Variants in EAF2 observed in about 807,000 individuals in gnomAD.
The protein encoded by EAF2 is ELL-associated factor 2.
EAF2 carries 29 observed loss-of-function variants against 29.4 expected under a neutral mutation model. The observed-to-expected ratio is 0.99, with a 90% CI of 0.73 to 1.35. EAF2 has a LOEUF of 1.35. EAF2 is among the 40% of genes most tolerant of loss of function. The pLI, the probability that EAF2 is intolerant of heterozygous loss-of-function variation, is 0.00. For missense variants in EAF2, 292 were observed against 312.0 expected, an observed-to-expected ratio of 0.94 and a Z score of 0.48; for synonymous variants, 103 against 102.5, an observed-to-expected ratio of 1.00 and a Z score of -0.03.
chr3:121,837,146 GAA>G (rs1248584670), intron 1 of EAF2, among the ~76,000 whole-genome samples: 1 of 152,172 alleles, frequency 6.6e-6, no homozygotes, highest in African/African-American at 2.4e-5. Flanking sequence ...AGAACTATTA[GAA>G]AAGTTTTCAG....
Position 121,868,396 on chromosome 3 carries a change from C to G in EAF2, c.485-4141C>G, listed in dbSNP as rs777181543. On this transcript the variant is annotated intron_variant, in intron 4 of 5. Transcript: ENST00000273668. ...GGCAGATCACTTGAGGTCAGGAGTT[C>G]GTGACCAGCCTGGCCAACGTGGTGA... Among the ~76,000 whole-genome samples, 10 of 152,140 alleles carry G rather than the reference C, an allele frequency of 6.6e-5. 2 individuals carry two copies. In the South Asian group the frequency reaches 1.7e-3, roughly 25 times the overall value.
At chr3:121,844,640 G>T in intron 2 of EAF2, 93 bp downstream of exon 2, 2 of 831,316 alleles carry the variant, frequency 2.4e-6, no homozygotes, top group Non-Finnish European at 1.8e-6. Context: ...AGTGATAATT[G>T]GTTAAAGTAA....
At chr3:121,854,348 A>C (rs1708683313) in intron 2 of EAF2, among the ~76,000 whole-genome samples, 1 of 151,748 alleles carries the variant, frequency 6.6e-6, no homozygotes, top group African/African-American at 2.4e-5. Flanking sequence ...GGAATAGAAA[A>C]TATGATTCAA....
In EAF2 at chr3:121,857,014, T is replaced by G; in HGVS notation, c.342T>G (p.Val114=). 1 of 1,609,458 alleles carries G rather than the reference T, an allele frequency of 6.2e-7. No individual in the cohort carries two copies. The change falls in exon 4 of 6, where the codon GTT becomes GTG. Residue 114 remains valine, a synonymous_variant. Coordinates refer to ENST00000273668, the MANE Select transcript of EAF2 (RefSeq NM_018456.6). The part of the protein sequence containing the change: ...SSNITVKKTR[V]EGSSKIQYRK... ...TATTTGATATTCTTAATTGCAGAGT[T>G]GAAGGAAGCAGTAAAATTCAGTATC...
intron 2 of EAF2, among the ~76,000 whole-genome samples, chr3:121,845,331 G>C (rs1257614912): frequency 6.6e-6 from 1 of 151,296 alleles, no homozygotes; most frequent in Non-Finnish European, 1.5e-5. Flanking sequence ...CCAGCTATTT[G>C]GGAGGTTCAG....
chr3:121,860,357 G>A (rs953833279), intron 4 of EAF2, among the ~76,000 whole-genome samples: 2 of 152,004 alleles, frequency 1.3e-5, no homozygotes, highest in Non-Finnish European at 2.9e-5. Flanking sequence ...AGCCTGTATT[G>A]GTCTATTCAG....
chr3:121,852,024 A>G (rs559926214), intron 2 of EAF2, among the ~76,000 whole-genome samples: 1 of 152,326 alleles, frequency 6.6e-6, no homozygotes, highest in Non-Finnish European at 1.5e-5. Context: ...CAAAATGTAG[A>G]TGGCAGGTGT....
chr3:121,840,492 A>G (rs1156628494), intron 1 of EAF2, among the ~76,000 whole-genome samples: 11 of 86,908 alleles, frequency 1.3e-4, no homozygotes, highest in Non-Finnish European at 2.1e-4. Context: ...TTCGTCTAAA[A>G]AAAAAAAAAA....
intron 4 of EAF2, among the ~76,000 whole-genome samples, chr3:121,868,828 G>A (rs950973457): frequency 6.6e-5 from 10 of 152,104 alleles, no homozygotes; most frequent in African/African-American, 2.4e-4. Flanking sequence ...ACAGAAAATC[G>A]ACACATACAT....
intron 5 of EAF2, among the ~76,000 whole-genome samples, chr3:121,880,459 T>C (rs960772444): frequency 4.7e-3 from 189 of 40,610 alleles, no homozygotes; most frequent in African/African-American, 0.015. Flanking sequence ...TTTTGGGGTG[T>C]GTGTGTGTGT....
At chr3:121,885,777 G>T (rs1292517219) in intron 5 of EAF2, among the ~76,000 whole-genome samples, 1 of 151,988 alleles carries the variant, frequency 6.6e-6, no homozygotes, top group Non-Finnish European at 1.5e-5. Flanking sequence ...ACCTGCCACT[G>T]CCATCTCCAT....
chr3:121,839,456 G>C (rs1359063140), intron 1 of EAF2, among the ~76,000 whole-genome samples: 1 of 152,110 alleles, frequency 6.6e-6, no homozygotes, highest in Non-Finnish European at 1.5e-5. Flanking sequence ...GTTACTGTGA[G>C]AAAAATATTA....
At chr3:121,872,910 A>G (rs746735537) in intron 5 of EAF2, 122 bp downstream of exon 5, 38 of 1,353,930 alleles carry the variant, frequency 2.8e-5, no homozygotes, top group Non-Finnish European at 3.5e-5. Context: ...TACTATTAAT[A>G]ATTACATTTT....
chr3:121,858,890 C>G (rs1576646515), intron 4 of EAF2, among the ~76,000 whole-genome samples: 1 of 152,184 alleles, frequency 6.6e-6, no homozygotes, highest in Admixed American at 6.5e-5. Context: ...CTACATACGG[C>G]TAGCCAGTTT....
chr3:121,867,348 A>G (rs1238040044), intron 4 of EAF2, among the ~76,000 whole-genome samples: 1 of 152,242 alleles, frequency 6.6e-6, no homozygotes, highest in African/African-American at 2.4e-5. Context: ...AAGGTACATC[A>G]TAATGAAACA....
In EAF2 at chr3:121,872,664, C is replaced by G; in HGVS notation, c.612C>G (p.Ser204=). The G allele has an allele frequency of 6.2e-7, 1 of 1,612,866 alleles. No homozygotes were observed. Among genetic ancestry groups the G allele is most frequent in the Non-Finnish European group, 8.5e-7 (1 of 1,179,212 alleles). The part of the protein sequence containing the change: ...SSDSEDEDCK[S]STSDTGNCVS... ...ACTCAGAAGATGAAGATTGCAAATC[C>G]TCTACTTCTGATACAGGGAATTGTG... Residue 204 remains serine, a synonymous_variant, in exon 5 of 6, where the codon TCC becomes TCG. Coordinates refer to ENST00000273668, the MANE Select transcript of EAF2 (RefSeq NM_018456.6).
At chr3:121,844,602 T>G (rs1047274297) in intron 2 of EAF2, 55 bp downstream of exon 2, 2 of 1,179,398 alleles carry the variant, frequency 1.7e-6, no homozygotes, top group Non-Finnish European at 2.4e-6. Context: ...TCAGTAAATT[T>G]AAATGAAAAT....
intron 4 of EAF2, among the ~76,000 whole-genome samples, chr3:121,867,014 C>T (rs1244169603): frequency 1.3e-5 from 2 of 152,036 alleles, no homozygotes; most frequent in Non-Finnish European, 2.9e-5. Context: ...CTGACAAATA[C>T]AATAACAACA....
At chr3:121,841,504 CAAAAAAAAAAAAAAAAAA>C (rs57868658) in intron 1 of EAF2, among the ~76,000 whole-genome samples, 2,394 of 25,702 alleles carry the variant, frequency 0.093, 208 homozygotes, top group East Asian at 0.51. Flanking sequence ...GACCCTGTCT[CAAAAAAAAAAAAAAAAAA>C]AAAAAAAAAA....
Sources: gnomAD v4.1 joint callset for allele counts (sites outside exome capture counted in the v4.1 genomes callset) on GRCh38, gnomAD v4.1.1 for gene constraint, MANE v1.5 for transcripts, NCBI Gene and HGNC (gene_info 2026-07-23, HGNC 2026-07-21) for gene names.